KCNB2: variants seen among roughly 807,000 people sequenced by gnomAD.
KCNB2 encodes the protein delayed rectifier potassium channel protein.
In KCNB2, 15 loss-of-function variants were observed where a neutral mutation model predicts 61.5. The ratio of observed to expected loss-of-function variants is 0.24; its 90% CI spans 0.16 to 0.38. The LOEUF (loss-of-function observed/expected upper bound fraction) is 0.38. Among genes scored for constraint, KCNB2 ranks in the 10% least tolerant of loss-of-function variants. The pLI is 1.00. For missense variants in KCNB2, 828 were observed against 1,125.2 expected (o/e 0.74, Z 3.78); for synonymous variants, 457 against 446.0 (o/e 1.02, Z -0.31).
intron 2 of KCNB2, among the ~76,000 whole-genome samples, chr8:72,726,605 T>A (rs923566955): frequency 1.3e-5 from 2 of 152,232 alleles, no homozygotes; most frequent in Non-Finnish European, 2.9e-5. Flanking sequence ...CATATCCAAT[T>A]TATTTTAAAA....
At chr8:72,862,064 C>G in intron 2 of KCNB2, among the ~76,000 whole-genome samples, 1 of 152,126 alleles carries the variant, frequency 6.6e-6, no homozygotes, top group Non-Finnish European at 1.5e-5. Context: ...CCCAGCTACT[C>G]TGGAGGGTGA....
At chr8:72,798,890 T>A (rs1270323957) in intron 2 of KCNB2, among the ~76,000 whole-genome samples, 1 of 152,114 alleles carries the variant, frequency 6.6e-6, no homozygotes, top group Non-Finnish European at 1.5e-5. Context: ...GGCAAGGAAG[T>A]GACAAAAAAG....
chr8:72,724,815 A>G (rs1807606331), intron 2 of KCNB2, among the ~76,000 whole-genome samples: 1 of 152,196 alleles, frequency 6.6e-6, no homozygotes, highest in Admixed American at 6.5e-5. Flanking sequence ...AAATGGACGG[A>G]TCTAGCATAA....
chr8:72,735,613 T>A (rs1378246264), intron 2 of KCNB2, among the ~76,000 whole-genome samples: 1 of 152,204 alleles, frequency 6.6e-6, no homozygotes, highest in Admixed American at 6.5e-5. Context: ...ACCTTTCTAT[T>A]CTGTATGTTC....
chr8:72,614,646 G>T (rs1805591030), intron 2 of KCNB2, among the ~76,000 whole-genome samples: 1 of 152,128 alleles, frequency 6.6e-6, no homozygotes, highest in Admixed American at 6.5e-5. Flanking sequence ...GCTCTTATAG[G>T]ACTTTTCTAA....
chr8:72,644,784 C>T (rs1806105156), intron 2 of KCNB2, among the ~76,000 whole-genome samples: 8 of 152,082 alleles, frequency 5.3e-5, no homozygotes, highest in Admixed American at 5.2e-4. Context: ...TCATTTAGTC[C>T]TTGCCGAAGC....
intron 2 of KCNB2, among the ~76,000 whole-genome samples, chr8:72,594,152 A>G (rs1807149437): frequency 1.3e-5 from 2 of 152,196 alleles, no homozygotes; most frequent in Admixed American, 1.3e-4. Flanking sequence ...ACTCAGCTCT[A>G]TTGATATATA....
chr8:72,634,122 C>T (rs1017804133), intron 2 of KCNB2, among the ~76,000 whole-genome samples: 2 of 152,174 alleles, frequency 1.3e-5, no homozygotes, highest in African/African-American at 2.4e-5. Flanking sequence ...GGAAGAATTC[C>T]TTACATTTGA....
intron 2 of KCNB2, among the ~76,000 whole-genome samples, chr8:72,839,574 C>T (rs1230165110): frequency 6.7e-6 from 1 of 149,244 alleles, no homozygotes; most frequent in African/African-American, 2.5e-5. Context: ...GAGGAGTGCC[C>T]CTTGAGCTAA....
intron 2 of KCNB2, among the ~76,000 whole-genome samples, chr8:72,903,919 T>G (rs1212915517): frequency 1.3e-5 from 2 of 152,132 alleles, no homozygotes; most frequent in Non-Finnish European, 2.9e-5. Flanking sequence ...TTGACGAGAC[T>G]CCATGCTAAA....
intron 1 of KCNB2, among the ~76,000 whole-genome samples, chr8:72,543,747 T>A (rs1464639618): frequency 6.6e-6 from 1 of 152,186 alleles, no homozygotes; most frequent in Non-Finnish European, 1.5e-5. Context: ...GAAGCAGGAT[T>A]TCCTGCATTC....
chr8:72,586,711 G>A (rs902281806), intron 2 of KCNB2, among the ~76,000 whole-genome samples: 5 of 152,172 alleles, frequency 3.3e-5, no homozygotes, highest in East Asian at 1.9e-4. Flanking sequence ...AAAACCAGGG[G>A]CATTTTCAAC....
intron 2 of KCNB2, among the ~76,000 whole-genome samples, chr8:72,586,059 A>G (rs1025132663): frequency 6.6e-6 from 1 of 152,198 alleles, no homozygotes; most frequent in Non-Finnish European, 1.5e-5. Context: ...TGACATGGTG[A>G]TGTTTTTCCG....
chr8:72,837,763 G>A (rs1162478768), intron 2 of KCNB2, among the ~76,000 whole-genome samples: 2 of 152,054 alleles, frequency 1.3e-5, no homozygotes, highest in Non-Finnish European at 2.9e-5. Context: ...AACGGGAAAT[G>A]TTACAGACTT....
intron 2 of KCNB2, among the ~76,000 whole-genome samples, chr8:72,843,484 A>G (rs56096440): frequency 0.22 from 34,147 of 152,022 alleles, 4,213 homozygotes; most frequent in Non-Finnish European, 0.28. Context: ...CAAGTCCTGA[A>G]TATCCTTGTT....
intron 2 of KCNB2, among the ~76,000 whole-genome samples, chr8:72,846,517 C>A (rs1275113695): frequency 6.6e-6 from 1 of 150,842 alleles, no homozygotes; most frequent in Non-Finnish European, 1.5e-5. Flanking sequence ...ACCCATCTGA[C>A]AAAGGGCTAA....
At chr8:72,839,805 G>T (rs1449430748) in intron 2 of KCNB2, among the ~76,000 whole-genome samples, 1 of 151,672 alleles carries the variant, frequency 6.6e-6, no homozygotes, top group Non-Finnish European at 1.5e-5. Context: ...AGTAGAGACG[G>T]GGTTTCACCG....
At chr8:72,794,220 T>C (rs1360078598) in intron 2 of KCNB2, among the ~76,000 whole-genome samples, 1 of 152,124 alleles carries the variant, frequency 6.6e-6, no homozygotes, top group African/African-American at 2.4e-5. Flanking sequence ...GTTACAAGTG[T>C]AGAGTCTACA....
intron 1 of KCNB2, 44 bp downstream of exon 1, chr8:72,537,929 T>G (rs554654367): frequency 6.6e-6 from 1 of 152,296 alleles, no homozygotes; most frequent in African/African-American, 2.4e-5. Flanking sequence ...GGGTCTTCCT[T>G]TAAGAATGAA....
Sources: allele counts gnomAD v4.1 joint callset (sites outside exome capture counted in the v4.1 genomes callset), GRCh38; gene constraint gnomAD v4.1.1; transcripts MANE v1.5; gene names NCBI Gene and HGNC (gene_info 2026-07-23, HGNC 2026-07-21).